The following PUM1 variants were observed in gnomAD, a reference collection of about 807,000 sequenced individuals.
PUM1 encodes pumilio RNA binding family member 1.
PUM1 carries 13 observed loss-of-function variants against 131.8 expected under a neutral mutation model. The observed-to-expected ratio is 0.10, with a 90% CI of 0.06 to 0.16. PUM1 has a LOEUF of 0.16. Ranked by LOEUF, PUM1 falls within the 10% of genes least tolerant of loss-of-function variation. The pLI is 1.00. For synonymous variants in PUM1, 509 were observed against 556.5 expected (o/e 0.91, Z 1.20); for missense variants, 961 against 1,512.4 (o/e 0.64, Z 6.05).
rs192606743 is a variant in PUM1 at position 31,031,843 on chromosome 1, C to A, written c.364-2979G>T. On this transcript the variant is annotated intron_variant, in intron 2 of 21. Coordinates refer to ENST00000426105, the MANE Select transcript of PUM1 (RefSeq NM_001020658.2). The stretch of plus-strand genomic sequence containing the variant: ...CATTCTCTTTCACCATCTATTTACA[C>A]TCTTTTGGATATGCGCACTCTCGCT... Among the ~76,000 whole-genome samples, 427 of 152,082 alleles carry A rather than the reference C, an allele frequency of 2.8e-3. 3 individuals carry two copies. Among genetic ancestry groups the A allele is most frequent in the African/African-American group, 9.1e-3 (377 of 41,492 alleles).
chr1:30,937,083 G>A (rs2124379126), intron 20 of PUM1, among the ~76,000 whole-genome samples: 1 of 152,218 alleles, frequency 6.6e-6, no homozygotes, highest in East Asian at 1.9e-4. Flanking sequence ...AATCCACGGG[G>A]ACTATAGAGG....
rs1640721632 is a variant in PUM1, at chr1:30,968,512, A to G, written c.1507-20T>C. 1.9e-6 allele frequency: 3 copies of G among 1,586,844 alleles called. No homozygotes were observed. Among genetic ancestry groups the G allele is most frequent in the Admixed American group, 2.0e-5 (1 of 50,306 alleles). Reference sequence around the variant, plus strand: ...GAGAACCTGGGAAAGGAAGACAGAAATAACTCAACCACTTTCTTTTCATTG... The same window carrying G: ...GAGAACCTGGGAAAGGAAGACAGAAGTAACTCAACCACTTTCTTTTCATTG... On this transcript the variant is annotated intron_variant, in intron 10 of 21. Transcript: ENST00000426105.
intron 2 of PUM1, among the ~76,000 whole-genome samples, chr1:31,042,071 G>A (rs564842169): frequency 7.9e-5 from 12 of 152,208 alleles, no homozygotes; most frequent in African/African-American, 2.6e-4. Flanking sequence ...TTGGGAGGCC[G>A]AGGCAGGTGG....
At chr1:30,942,702 G>C (rs994588225) in intron 18 of PUM1, among the ~76,000 whole-genome samples, 2 of 152,148 alleles carry the variant, frequency 1.3e-5, no homozygotes, top group Non-Finnish European at 1.5e-5. Flanking sequence ...ACAATAATAA[G>C]AGCAATAATA....
At chr1:30,976,931 A>C (rs1641158157) in intron 9 of PUM1, among the ~76,000 whole-genome samples, 1 of 152,192 alleles carries the variant, frequency 6.6e-6, no homozygotes, top group East Asian at 1.9e-4. Flanking sequence ...AAGAGAAAAA[A>C]CACACAAAAA....
rs190907899 is a variant in PUM1, at chr1:31,046,571, G to A, written c.363+12633C>T. Among the ~76,000 whole-genome samples, 255 of 144,430 alleles carry A rather than the reference G, an allele frequency of 1.8e-3. 1 individual carries two copies. Among genetic ancestry groups the A allele is most frequent in the Admixed American group, 5.0e-3 (70 of 13,982 alleles). 94.8% of individuals were successfully genotyped at this position (144,430 alleles called of 152,430 possible). A position where few individuals can be genotyped will look rare whatever the true frequency, so the allele number is the denominator to read the frequency against. On this transcript the variant is annotated intron_variant, in intron 2 of 21. Coordinates refer to ENST00000426105, the MANE Select transcript of PUM1 (RefSeq NM_001020658.2). ...CACTCAGGCTGGAGTGCAGTGGCGC[G>A]ATCTTGGCTGACTGTAACTTCCGCC...
intron 17 of PUM1, 62 bp from the exon 18 acceptor site, chr1:30,945,545 T>C: frequency 4.5e-6 from 7 of 1,570,300 alleles, no homozygotes; most frequent in East Asian, 2.2e-5. Flanking sequence ...ACAAATAATA[T>C]TCTTTTCACC....
intron 16 of PUM1, 32 bp downstream of exon 16, chr1:30,952,202 T>G: frequency 1.2e-6 from 2 of 1,604,670 alleles, no homozygotes; most frequent in Non-Finnish European, 1.7e-6. Context: ...CAGATTCTCT[T>G]AAGTCAAAGG....
intron 2 of PUM1, among the ~76,000 whole-genome samples, chr1:31,030,985 C>A (rs1383437506): frequency 6.6e-6 from 1 of 152,142 alleles, no homozygotes; most frequent in Non-Finnish European, 1.5e-5. Context: ...AAGAGACAGA[C>A]AAGGCTTATA....
intron 11 of PUM1, 40 bp downstream of exon 11, chr1:30,968,314 T>C (rs1450056255): frequency 6.3e-7 from 1 of 1,588,922 alleles, no homozygotes; most frequent in Non-Finnish European, 8.6e-7. Context: ...GTGCAGCCTT[T>C]TTCCCTGCCA....
At chr1:30,957,313 G>A (rs1019356574) in intron 14 of PUM1, among the ~76,000 whole-genome samples, 3 of 152,134 alleles carry the variant, frequency 2.0e-5, no homozygotes, top group African/African-American at 7.2e-5. Flanking sequence ...AAAAAAATGC[G>A]TGACAAATAG....
At chr1:31,038,956 TTTTATATATATATATA>T (rs1475487362) in intron 2 of PUM1, among the ~76,000 whole-genome samples, 1 of 42,530 alleles carries the variant, frequency 2.4e-5, no homozygotes, top group African/African-American at 1.5e-4. Context: ...TGTTTTAAAA[TTTTATATATATATATA>T]TATATATATA....
chr1:31,038,984 A>ATATATATATATATATATATAT, intron 2 of PUM1, among the ~76,000 whole-genome samples: 9 of 49,414 alleles, frequency 1.8e-4, no homozygotes, highest in South Asian at 8.2e-4. Context: ...ATATATATAT[A>ATATATATATATATATATATAT]TTTTTTTTTT....
chr1:30,938,924 C>G (rs373117272), intron 20 of PUM1, among the ~76,000 whole-genome samples: 1 of 107,686 alleles, frequency 9.3e-6, no homozygotes, highest in African/African-American at 2.8e-5. Flanking sequence ...GACAGACAGA[C>G]AGACAGACAG....
intron 2 of PUM1, among the ~76,000 whole-genome samples, chr1:31,047,318 C>T (rs1419783135): frequency 1.7e-4 from 26 of 151,864 alleles, no homozygotes; most frequent in Admixed American, 1.6e-3. Flanking sequence ...ATGTAAAAAA[C>T]AAAGAGGAGA....
chr1:31,015,734 T>C (rs1461278315), intron 3 of PUM1, among the ~76,000 whole-genome samples: 4 of 149,100 alleles, frequency 2.7e-5, no homozygotes, highest in Non-Finnish European at 6.0e-5. Flanking sequence ...AGTGCAATGA[T>C]GCGATCTCAG....
chr1:31,046,747 G>A (rs927594299), intron 2 of PUM1, among the ~76,000 whole-genome samples: 4 of 152,012 alleles, frequency 2.6e-5, no homozygotes, highest in Non-Finnish European at 4.4e-5. Flanking sequence ...TGGGATTACA[G>A]GCATGAGCCA....
At chr1:30,971,358 A>T (rs1477145657) in intron 10 of PUM1, among the ~76,000 whole-genome samples, 1 of 152,248 alleles carries the variant, frequency 6.6e-6, no homozygotes, top group East Asian at 1.9e-4. Context: ...CCCAAAAAAA[A>T]GGAACTAAAA....
At chr1:30,954,597 T>A (rs1223562233) in intron 14 of PUM1, among the ~76,000 whole-genome samples, 1 of 151,834 alleles carries the variant, frequency 6.6e-6, no homozygotes, top group African/African-American at 2.4e-5. Context: ...AAATGAAAAA[T>A]TTTCGAGTTT....
Sources: allele counts gnomAD v4.1 joint callset (sites outside exome capture counted in the v4.1 genomes callset), GRCh38; gene constraint gnomAD v4.1.1; transcripts MANE v1.5; gene names NCBI Gene and HGNC (gene_info 2026-07-23, HGNC 2026-07-21).